Variants in KIR3DL1 observed in about 807,000 individuals in gnomAD.
The protein encoded by KIR3DL1 is killer cell immunoglobulin like receptor, three Ig domains and long cytoplasmic tail 1.
KIR3DL1 carries 50 observed loss-of-function variants against 40.3 expected under a neutral mutation model. The observed-to-expected ratio is 1.24, with a 90% CI of 0.99 to 1.57. The LOEUF (loss-of-function observed/expected upper bound fraction) is 1.57. Ranked by LOEUF, KIR3DL1 falls within the 40% of genes most tolerant of loss-of-function variation. KIR3DL1 has a pLI of 0.00. For synonymous variants in KIR3DL1, 257 were observed against 207.2 expected, an observed-to-expected ratio of 1.24 and a Z score of -2.07; for missense variants, 661 against 559.9, an observed-to-expected ratio of 1.18 and a Z score of -1.82.
intron 5 of KIR3DL1, among the ~76,000 whole-genome samples, chr19:54,823,540 C>G (rs1313392837): frequency 6.6e-6 from 1 of 151,334 alleles, no homozygotes; most frequent in Admixed American, 6.6e-5. Flanking sequence ...CATAGTCTCC[C>G]AGGCTGGAGT....
chr19:54,820,338 G>A (rs2061572562), intron 4 of KIR3DL1, among the ~76,000 whole-genome samples: 1 of 151,508 alleles, frequency 6.6e-6, no homozygotes, highest in African/African-American at 2.4e-5. Flanking sequence ...CAGGTTAGAA[G>A]TTTCATTTCT....
rs756016702 is a variant in KIR3DL1 at position 54,825,937 on chromosome 19, C to T, written c.1000+859C>T. Among the ~76,000 whole-genome samples the T allele has an allele frequency of 8.8e-4, 133 of 151,398 alleles. 5 individuals carry two copies. The highest frequency in any genetic ancestry group is 4.0e-4 in the Non-Finnish European group (27 of 67,972). ...CTTTCTCTGAATGCTGCTCTCCCTTCTTCCTTATCTTTTGAAAACTTGGGG... is the reference window on the plus strand; with the variant it reads ...CTTTCTCTGAATGCTGCTCTCCCTTTTTCCTTATCTTTTGAAAACTTGGGG... On this transcript the variant is annotated intron_variant, in intron 6 of 8. Coordinates refer to ENST00000391728, the Ensembl canonical transcript of KIR3DL1.
At chr19:54,819,953 T>A in exon 4 of KIR3DL1, 1 of 1,611,886 alleles carries the variant, frequency 6.2e-7, no homozygotes, top group Non-Finnish European at 8.5e-7. Flanking sequence ...TACGGTTCTG[T>A]TACTCACACC....
At chr19:54,825,528 G>C (rs2148156084) in intron 6 of KIR3DL1, among the ~76,000 whole-genome samples, 1 of 150,132 alleles carries the variant, frequency 6.7e-6, no homozygotes, top group South Asian at 2.1e-4. Context: ...TGCCGTAACA[G>C]AGAACAGAGC....
rs2966878 is a variant in KIR3DL1 at position 54,829,974 on chromosome 19, C to T, written c.1152C>T (p.Asn384=). The T allele has an allele frequency of 1.6e-5, 24 of 1,528,022 alleles. 5 individuals are homozygous for T. The highest frequency in any genetic ancestry group is 1.7e-4 in the Middle Eastern group (1 of 5,770). The allele number at this position is 1,528,022 out of a possible 1,614,324, so 94.7% of individuals were successfully genotyped here. ...AGCCTGCAGGGAACAGAACAGCCAA[C>T]AGCGAGGTAGGTGCTCCTCGGCCCA... Residue 384 remains asparagine (N), a synonymous_variant, in exon 8 of 9, where the codon AAC becomes AAT. Transcript: ENST00000391728.
intron 1 of KIR3DL1, among the ~76,000 whole-genome samples, chr19:54,817,071 T>C (rs2148054273): frequency 1.4e-5 from 2 of 144,852 alleles, no homozygotes; most frequent in South Asian, 4.5e-4. Context: ...GATATGGGCC[T>C]GGGGTGGAGA....
At chr19:54,823,159 C>T (rs2061723097) in intron 5 of KIR3DL1, among the ~76,000 whole-genome samples, 1 of 150,756 alleles carries the variant, frequency 6.6e-6, no homozygotes, top group African/African-American at 2.5e-5. Flanking sequence ...CTCAGCCTCC[C>T]TAGTAGCTGT....
chr19:54,820,771 CA>C (rs1451890382), intron 4 of KIR3DL1, among the ~76,000 whole-genome samples: 1 of 150,802 alleles, frequency 6.6e-6, no homozygotes, highest in Non-Finnish European at 1.5e-5. Flanking sequence ...AGAAAAGCCC[CA>C]AAATCAGAAC....
chr19:54,821,640 G>A, exon 5 of KIR3DL1: 2 of 1,609,586 alleles, frequency 1.2e-6, no homozygotes, highest in Non-Finnish European at 1.7e-6. Context: ...ACCTTGTCCT[G>A]TAGCTCCCGG....
intron 2 of KIR3DL1, among the ~76,000 whole-genome samples, chr19:54,817,942 G>T (rs1224064322): frequency 6.8e-6 from 1 of 146,876 alleles, no homozygotes; most frequent in African/African-American, 2.6e-5. Flanking sequence ...TACCAGAAAA[G>T]GTGAGGAAAC....
In KIR3DL1 at chr19:54,830,202, C is replaced by A. The variant is rs1284896347; in HGVS notation, c.1262C>A (p.Pro421His). 7 of 1,524,428 alleles carry A rather than the reference C, an allele frequency of 4.6e-6. 1 individual carries two copies. The highest frequency in any genetic ancestry group is 6.2e-6 in the Non-Finnish European group (7 of 1,122,974). 94.4% of individuals were successfully genotyped at this position (1,524,428 alleles called of 1,614,324 possible). The stretch of plus-strand genomic sequence containing the variant: ...CGCCCTTCTCAGAGGCCCAAGACAC[C>A]CCCTACAGATACCATCTTGTACACG... The change falls in exon 9 of 9, where the codon CCC becomes CAC. Residue 421 changes from proline to histidine, a missense_variant. Coordinates refer to ENST00000391728, the Ensembl canonical transcript of KIR3DL1.
At chr19:54,822,321 A>T (rs2061680357) in intron 5 of KIR3DL1, among the ~76,000 whole-genome samples, 1 of 151,300 alleles carries the variant, frequency 6.6e-6, no homozygotes, top group South Asian at 2.1e-4. Flanking sequence ...AGTAAAATCT[A>T]GTGGTCATAA....
In KIR3DL1 at chr19:54,830,392, AGG is replaced by A. The variant is rs1386356898; in HGVS notation, c.*119_*120del. 39 of 1,202,578 alleles carry A rather than the reference AGG, an allele frequency of 3.2e-5. 5 individuals carry two copies. In the Admixed American group the frequency reaches 7.1e-4, roughly 22 times the overall value. 74.5% of individuals were successfully genotyped at this position (1,202,578 alleles called of 1,614,324 possible). ...ATCTGAAGGCGTGAGTCTTCATCTT[AGG>A]GCATCGCTCCTCCTCACGCCACAAA... On this transcript the variant is annotated 3_prime_UTR_variant, in exon 9 of 9. Coordinates refer to ENST00000391728, the Ensembl canonical transcript of KIR3DL1.
intron 5 of KIR3DL1, among the ~76,000 whole-genome samples, chr19:54,823,092 T>C (rs1377665166): frequency 6.6e-6 from 1 of 150,508 alleles, no homozygotes; most frequent in Non-Finnish European, 1.5e-5. Context: ...GGAGTCTAAG[T>C]GGTGAGATCT....
In KIR3DL1 at chr19:54,824,472, T is replaced by C. The variant is rs889645415; in HGVS notation, c.950-556T>C. Among the ~76,000 whole-genome samples, 75 of 151,034 alleles carry C rather than the reference T, an allele frequency of 5.0e-4. 1 individual carries two copies. The highest frequency in any genetic ancestry group is 1.7e-3 in the African/African-American group (68 of 40,914). On this transcript the variant is annotated intron_variant, in intron 5 of 8. Coordinates refer to ENST00000391728, the Ensembl canonical transcript of KIR3DL1. ...CGGGTGGATCACCTGAAGCCAGGAG[T>C]TCAAGACCAGGCTGGCCAACAGAGT...
In KIR3DL1 at chr19:54,829,180, G is replaced by A. The variant is rs185709686; in HGVS notation, c.1001-181G>A. 3.9e-4 allele frequency among the ~76,000 whole-genome samples: 57 copies of A among 144,602 alleles called. 2 individuals carry two copies. Among genetic ancestry groups the A allele is most frequent in the Non-Finnish European group, 7.0e-4 (46 of 65,472 alleles). The allele number at this position is 144,602 out of a possible 152,430, so 94.9% of individuals were successfully genotyped here. On this transcript the variant is annotated intron_variant, in intron 6 of 8. Coordinates refer to ENST00000391728, the Ensembl canonical transcript of KIR3DL1. Reference sequence around the variant, plus strand: ...ACTAAAGTAGTTGTATCCTCAGCACGTTCCATGGTTACTATGAGAGCTATA... The same window carrying A: ...ACTAAAGTAGTTGTATCCTCAGCACATTCCATGGTTACTATGAGAGCTATA...
chr19:54,819,918 T>G (rs994782651), exon 4 of KIR3DL1: 5 of 1,612,044 alleles, frequency 3.1e-6, no homozygotes, highest in African/African-American at 1.3e-5. Context: ...CCATGATGCT[T>G]GCCCTTGCAG....
chr19:54,823,160 T>C (rs1381698011), intron 5 of KIR3DL1, among the ~76,000 whole-genome samples: 2 of 150,756 alleles, frequency 1.3e-5, no homozygotes, highest in Non-Finnish European at 2.9e-5. Flanking sequence ...TCAGCCTCCC[T>C]AGTAGCTGTG....
intron 6 of KIR3DL1, among the ~76,000 whole-genome samples, chr19:54,829,098 A>C (rs72489145): frequency 0.034 from 4,393 of 129,696 alleles, 219 homozygotes; most frequent in South Asian, 0.059. Flanking sequence ...AAGAGGCCCA[A>C]CCTCCCACAC....
Sources: gnomAD v4.1 joint callset for allele counts (sites outside exome capture counted in the v4.1 genomes callset) on GRCh38, gnomAD v4.1.1 for gene constraint, MANE v1.5 for transcripts, NCBI Gene and HGNC (gene_info 2026-07-23, HGNC 2026-07-21) for gene names.